PSMF1: variants seen among roughly 807,000 people sequenced by gnomAD.
PSMF1 encodes the protein proteasome inhibitor subunit 1.
In PSMF1, 30 loss-of-function variants were observed where a neutral mutation model predicts 29.3. The observed-to-expected ratio is 1.02, with a 90% CI of 0.77 to 1.39. The LOEUF is 1.39. Among genes scored for constraint, PSMF1 ranks in the 40% most tolerant of loss-of-function variants. The pLI, the probability that PSMF1 is intolerant of heterozygous loss-of-function variation, is 0.00. For synonymous variants in PSMF1, 134 were observed against 139.7 expected, an observed-to-expected ratio of 0.96 and a Z score of 0.29; for missense variants, 344 against 357.5, an observed-to-expected ratio of 0.96 and a Z score of 0.31.
rs956262423 is a variant in PSMF1 at position 1,167,163 on chromosome 20, G to A, written c.*2083G>A. The A allele has an allele frequency of 6.6e-6, 1 of 152,036 alleles. No individual in the cohort carries two copies. The highest frequency in any genetic ancestry group is 2.4e-5 in the African/African-American group (1 of 41,378). 9.4% of individuals were successfully genotyped at this position (152,036 alleles called of 1,614,324 possible). ...GGGAGGAAGTGAATAGAGCCTTTAG[G>A]AACTTCCTGGTCAAGCTTATGGTGC... On this transcript the variant is annotated 3_prime_UTR_variant, in exon 7 of 7. Coordinates refer to ENST00000335877, the MANE Select transcript of PSMF1 (RefSeq NM_006814.5).
At chr20:1,128,438 C>T (rs572865438) in intron 3 of PSMF1, among the ~76,000 whole-genome samples, 1 of 152,224 alleles carries the variant, frequency 6.6e-6, no homozygotes, top group East Asian at 1.9e-4. Flanking sequence ...TTATTTGATC[C>T]TAGAATACAC....
chr20:1,135,789 AG>A (rs2122512217), intron 4 of PSMF1, among the ~76,000 whole-genome samples: 1 of 152,324 alleles, frequency 6.6e-6, no homozygotes, highest in South Asian at 2.1e-4. Context: ...CAAGTTCAGA[AG>A]TTTTCCAAAA....
chr20:1,135,408 T>TCA, intron 4 of PSMF1, 102 bp downstream of exon 4: 5 of 1,253,592 alleles, frequency 4.0e-6, no homozygotes, highest in Non-Finnish European at 5.5e-6. Flanking sequence ...CCGTATGTGT[T>TCA]TTCAACAAAA....
chr20:1,155,681 A>G (rs2086586271), intron 4 of PSMF1, among the ~76,000 whole-genome samples: 1 of 152,246 alleles, frequency 6.6e-6, no homozygotes, highest in African/African-American at 2.4e-5. Context: ...ATATAAGTAC[A>G]GGAGAACTGG....
intron 4 of PSMF1, chr20:1,161,360 G>A: frequency 2.9e-6 from 1 of 341,246 alleles, no homozygotes; most frequent in Non-Finnish European, 5.5e-6. Context: ...TGTTGTTCCA[G>A]CCCTTCTTTC....
chr20:1,170,610 G>C lies in PSMF1; in HGVS notation c.*5530G>C, dbSNP rs932643072. Among the ~76,000 whole-genome samples, 1 of 152,196 alleles carries C rather than the reference G, an allele frequency of 6.6e-6. No homozygotes were observed. The highest frequency in any genetic ancestry group is 1.5e-5 in the Non-Finnish European group (1 of 68,036). ...GGGTCAAGCAGGAGTCTCAGACTCA[G>C]TCAAGCGTGGTTACTCACAGCCCTC... On this transcript the variant is annotated 3_prime_UTR_variant, in exon 7 of 7. Transcript: ENST00000335877.
intron 3 of PSMF1, among the ~76,000 whole-genome samples, chr20:1,133,940 C>G (rs1015237897): frequency 3.3e-5 from 5 of 152,008 alleles, no homozygotes; most frequent in African/African-American, 1.2e-4. Context: ...TCAGTGGCTA[C>G]AGATCTATTG....
intron 4 of PSMF1, among the ~76,000 whole-genome samples, chr20:1,159,247 C>A (rs1034979562): frequency 1.3e-5 from 2 of 152,000 alleles, no homozygotes; most frequent in Admixed American, 1.3e-4. Context: ...CATTATGTTG[C>A]CCAGGGTAGT....
In PSMF1 at chr20:1,160,560, C is replaced by T. The variant is rs193125169; in HGVS notation, c.552-2570C>T. The T allele has an allele frequency of 5.1e-4, 229 of 450,738 alleles. 3 individuals carry two copies. Among genetic ancestry groups the T allele is most frequent in the Admixed American group, 3.4e-3 (143 of 41,738 alleles). 27.9% of individuals were successfully genotyped at this position (450,738 alleles called of 1,614,324 possible). A position where few individuals can be genotyped will look rare whatever the true frequency, so the allele number is the denominator to read the frequency against. ...GCTCCATGTCTTCCCACCGCTCTGC[C>T]GCCCAGCTCCTCCACCGATCACAAT... On this transcript the variant is annotated intron_variant, in intron 4 of 6. Coordinates refer to ENST00000335877, the MANE Select transcript of PSMF1 (RefSeq NM_006814.5).
In PSMF1 at chr20:1,170,862, G is replaced by A. The variant is rs774961208; in HGVS notation, c.*5782G>A. Among the ~76,000 whole-genome samples, 1 of 152,058 alleles carries A rather than the reference G, an allele frequency of 6.6e-6. No homozygotes were observed. Reference sequence around the variant, plus strand: ...AGTGCAGGAAACAAGCATTTATCAGGTGCACACAGCGTGCTAGGCTTCTCC... The same window carrying A: ...AGTGCAGGAAACAAGCATTTATCAGATGCACACAGCGTGCTAGGCTTCTCC... On this transcript the variant is annotated 3_prime_UTR_variant, in exon 7 of 7. Coordinates refer to ENST00000335877, the MANE Select transcript of PSMF1 (RefSeq NM_006814.5).
At chr20:1,162,565 AGGGTT>A (rs1384558469) in intron 4 of PSMF1, among the ~76,000 whole-genome samples, 2 of 152,184 alleles carry the variant, frequency 1.3e-5, no homozygotes. Context: ...ATCGGCTATT[AGGGTT>A]GGGGGCAGTC....
intron 1 of PSMF1, among the ~76,000 whole-genome samples, chr20:1,123,558 T>G (rs2086117302): frequency 3.9e-5 from 6 of 152,258 alleles, no homozygotes. Flanking sequence ...TATATAATAC[T>G]ATCATTAGAT....
At chr20:1,128,624 A>G (rs1431646224) in intron 3 of PSMF1, among the ~76,000 whole-genome samples, 3 of 152,226 alleles carry the variant, frequency 2.0e-5, no homozygotes, top group African/African-American at 7.2e-5. Context: ...AAATCAGTAT[A>G]ATGAAATTAT....
intron 4 of PSMF1, among the ~76,000 whole-genome samples, chr20:1,159,203 T>G (rs1248406489): frequency 1.3e-5 from 2 of 152,178 alleles, no homozygotes; most frequent in African/African-American, 4.8e-5. Context: ...TAAAAATTTT[T>G]TATATTTTTC....
intron 4 of PSMF1, among the ~76,000 whole-genome samples, chr20:1,156,745 C>A (rs957911340): frequency 6.6e-6 from 1 of 152,084 alleles, no homozygotes; most frequent in Admixed American, 6.6e-5. Flanking sequence ...GTCAATAGAT[C>A]TTCTCAAAAG....
chr20:1,136,214 T>C (rs1307048557), intron 4 of PSMF1, among the ~76,000 whole-genome samples: 1 of 152,174 alleles, frequency 6.6e-6, no homozygotes, highest in Non-Finnish European at 1.5e-5. Flanking sequence ...GAAAATGGCT[T>C]GTCTGATATA....
At chr20:1,151,735 A>G (rs2086533236) in intron 4 of PSMF1, among the ~76,000 whole-genome samples, 1 of 152,232 alleles carries the variant, frequency 6.6e-6, no homozygotes, top group African/African-American at 2.4e-5. Context: ...GCTGAAGCAC[A>G]TTAAAGAGTG....
intron 4 of PSMF1, among the ~76,000 whole-genome samples, chr20:1,158,916 C>T (rs1229419198): frequency 2.6e-5 from 4 of 152,106 alleles, no homozygotes; most frequent in African/African-American, 7.2e-5. Flanking sequence ...ATTAGCCAGG[C>T]GTGGTGGCGC....
rs2086694687 is a variant in PSMF1, at chr20:1,163,661, A to G, written c.605+478A>G. Among the ~76,000 whole-genome samples, 1 of 152,196 alleles carries G rather than the reference A, an allele frequency of 6.6e-6. No homozygotes were observed. The highest frequency in any genetic ancestry group is 6.5e-5 in the Admixed American group (1 of 15,280). On this transcript the variant is annotated intron_variant, in intron 5 of 6. Transcript: ENST00000335877. The surrounding 1 kb of genome is among the most constrained non-coding windows in gnomAD (Gnocchi z 6.1). ...TAACCTCTGCTACAAAGTGACCCCG[A>G]CTTCAGCATCTCATTTGTAGACAGT... is the stretch of plus-strand genomic sequence containing the variant.
Sources: allele counts gnomAD v4.1 joint callset (sites outside exome capture counted in the v4.1 genomes callset), GRCh38; gene constraint gnomAD v4.1.1; non-coding constraint Gnocchi (gnomAD v3.1); transcripts MANE v1.5; gene names NCBI Gene and HGNC (gene_info 2026-07-23, HGNC 2026-07-21).